The following TBL1X variants were observed in gnomAD, a reference collection of about 807,000 sequenced individuals.
TBL1X encodes the protein transducin beta like 1 X-linked, also known as F-box-like/WD repeat-containing protein TBL1X.
In TBL1X, 10 loss-of-function variants were observed where a neutral mutation model predicts 50.7. That is an observed-to-expected ratio of 0.20 (90% CI 0.12 to 0.33). The LOEUF (loss-of-function observed/expected upper bound fraction) is 0.33. TBL1X is among the 10% of genes least tolerant of loss of function. The pLI is 1.00. For synonymous variants in TBL1X, 190 were observed against 214.7 expected, an observed-to-expected ratio of 0.88 and a Z score of 1.01; for missense variants, 340 against 504.4, an observed-to-expected ratio of 0.67 and a Z score of 3.12.
In TBL1X at chrX:9,576,710, A is replaced by AC. The variant is rs1408633027; in HGVS notation, c.-130-63563_-130-63562insC. Among the ~76,000 whole-genome samples, 137 of 108,023 alleles carry AC rather than the reference A, an allele frequency of 1.3e-3. 1 individual carries two copies. Among genetic ancestry groups the AC allele is most frequent in the Non-Finnish European group, 1.7e-3 (91 of 52,060 alleles). The allele number at this position is 108,023 out of a possible 115,157, so 93.8% of individuals were successfully genotyped here. A position where few individuals can be genotyped will look rare whatever the true frequency, so the allele number is the denominator to read the frequency against. On this transcript the variant is annotated intron_variant, in intron 2 of 17. Coordinates refer to ENST00000645353, the MANE Select transcript of TBL1X (RefSeq NM_005647.4). ...AGCACTACATTAAAAAAAAAAAAAA[A>AC]AAAAAACATCGGACGTGGTGGGTCA... is the stretch of plus-strand genomic sequence containing the variant.
rs142700838 is a variant in TBL1X at position 9,610,562 on chromosome X, C to G, written c.-130-29711C>G. 3.9e-3 allele frequency among the ~76,000 whole-genome samples: 437 copies of G among 112,051 alleles called. 1 individual carries two copies. Among genetic ancestry groups the G allele is most frequent in the African/African-American group, 0.014 (417 of 30,798 alleles). On this transcript the variant is annotated intron_variant, in intron 2 of 17. Coordinates refer to ENST00000645353, the MANE Select transcript of TBL1X (RefSeq NM_005647.4). ...TCTTATGATACACACAGGATGAGGA[C>G]AGGATCATTTTCTATATTTCTGTGA...
intron 2 of TBL1X, among the ~76,000 whole-genome samples, chrX:9,579,377 A>G (rs770041270): frequency 4.5e-5 from 5 of 111,968 alleles, no homozygotes; most frequent in South Asian, 3.7e-4. Flanking sequence ...TATGATTTCA[A>G]TTTTTACCAC....
At chrX:9,469,455 G>A (rs925766527) in intron 1 of TBL1X, among the ~76,000 whole-genome samples, 4 of 112,316 alleles carry the variant, frequency 3.6e-5, no homozygotes, top group Non-Finnish European at 3.8e-5. Flanking sequence ...GAGCCATCGC[G>A]CCCGGCTAGC....
At chrX:9,544,999 A>AT (rs2082234635) in intron 2 of TBL1X, among the ~76,000 whole-genome samples, 5 of 77,201 alleles carry the variant, frequency 6.5e-5, no homozygotes, top group Non-Finnish European at 1.0e-4. Flanking sequence ...TTTTCCCCCC[A>AT]CTTTTTTTTT....
chrX:9,688,454 C>A (rs923100740), intron 7 of TBL1X, among the ~76,000 whole-genome samples, 179 bp downstream of exon 7: 3 of 112,411 alleles, frequency 2.7e-5, no homozygotes, highest in African/African-American at 9.7e-5. Context: ...CATCACAACC[C>A]TTGGACCTGA....
At chrX:9,637,545 G>A (rs1331651698) in intron 2 of TBL1X, 1 of 111,795 alleles carries the variant, frequency 8.9e-6, no homozygotes, top group Non-Finnish European at 1.9e-5. Flanking sequence ...GAAGAAGAAA[G>A]GACTCTTCCT....
intron 12 of TBL1X, among the ~76,000 whole-genome samples, chrX:9,703,961 T>C (rs1438922277): frequency 8.9e-6 from 1 of 112,402 alleles, no homozygotes; most frequent in Non-Finnish European, 1.9e-5. Flanking sequence ...GCCTGGCTTT[T>C]AGCGAGTGCC....
chrX:9,589,455 C>G (rs765303143), intron 2 of TBL1X, among the ~76,000 whole-genome samples: 2 of 109,800 alleles, frequency 1.8e-5, no homozygotes, highest in Non-Finnish European at 3.8e-5. Context: ...TACACAAAAC[C>G]CGGTCTTGAT....
chrX:9,517,741 G>A (rs770069993), intron 2 of TBL1X, among the ~76,000 whole-genome samples: 3 of 112,302 alleles, frequency 2.7e-5, no homozygotes, highest in African/African-American at 9.7e-5. Flanking sequence ...GCAGGACAGT[G>A]CCCTGGGGAG....
chrX:9,618,926 G>A (rs142278343), intron 2 of TBL1X, among the ~76,000 whole-genome samples: 136 of 111,859 alleles, frequency 1.2e-3, no homozygotes, highest in Non-Finnish European at 2.1e-3. Flanking sequence ...AAGGCATGTT[G>A]TAGGTTCAGA....
rs950664805 is a variant in TBL1X, at chrX:9,534,561, C to T, written c.-131+32712C>T. 9.1e-5 allele frequency among the ~76,000 whole-genome samples: 10 copies of T among 110,019 alleles called. 1 individual carries two copies. Among genetic ancestry groups the T allele is most frequent in the Non-Finnish European group, 9.5e-5 (5 of 52,793 alleles). ...GTGCCTAATTCAACAGTTCTTAATACCCTAATTTAAAAAAAAAATACAGTG... is the reference window on the plus strand; with the variant it reads ...GTGCCTAATTCAACAGTTCTTAATATCCTAATTTAAAAAAAAAATACAGTG... On this transcript the variant is annotated intron_variant, in intron 2 of 17. Coordinates refer to ENST00000645353, the MANE Select transcript of TBL1X (RefSeq NM_005647.4).
intron 5 of TBL1X, among the ~76,000 whole-genome samples, chrX:9,667,527 G>A (rs1196454027): frequency 1.8e-5 from 2 of 112,157 alleles, no homozygotes; most frequent in Non-Finnish European, 3.8e-5. Flanking sequence ...TTACCTGATG[G>A]TCAAACGAAT....
intron 2 of TBL1X, among the ~76,000 whole-genome samples, chrX:9,588,899 G>A (rs893256061): frequency 7.2e-5 from 8 of 111,059 alleles, no homozygotes; most frequent in African/African-American, 2.6e-4. Flanking sequence ...CACTGCGCCC[G>A]TCCTCATTTT....
At chrX:9,547,408 C>T (rs1336600738) in intron 2 of TBL1X, among the ~76,000 whole-genome samples, 3 of 111,259 alleles carry the variant, frequency 2.7e-5, no homozygotes, top group Non-Finnish European at 5.7e-5. Context: ...CAACCTCCAC[C>T]TCCTGGGTTC....
At position 9,506,475 on chromosome X, in the gene TBL1X, C is replaced by T. The variant is rs761686706; in HGVS notation, c.-131+4626C>T. Among the ~76,000 whole-genome samples, 210 of 111,130 alleles carry T rather than the reference C, an allele frequency of 1.9e-3. 3 individuals are homozygous for T. The highest frequency in any genetic ancestry group is 5.3e-3 in the South Asian group (14 of 2,645). On this transcript the variant is annotated intron_variant, in intron 2 of 17. Coordinates refer to ENST00000645353, the MANE Select transcript of TBL1X (RefSeq NM_005647.4). ...AGAGAAGAATCGAAGGCGATAGAGACGCAAAAAAGCCCTCCAAAAAATCAT... is the reference window on the plus strand; with the variant it reads ...AGAGAAGAATCGAAGGCGATAGAGATGCAAAAAAGCCCTCCAAAAAATCAT...
rs1446365658 is a variant in TBL1X, at chrX:9,482,423, T to TG, written c.-201+16977dup. Among the ~76,000 whole-genome samples the TG allele has an allele frequency of 4.5e-5, 5 of 112,326 alleles. No individual in the cohort carries two copies. In the East Asian group the frequency reaches 1.4e-3, roughly 31 times the overall value. Reference sequence around the variant, plus strand: ...CTGATATGGGAAACAGCTGTTTAACTGATCTAGTCTTAGGACTTGGACACT... The same window carrying TG: ...CTGATATGGGAAACAGCTGTTTAACTGGATCTAGTCTTAGGACTTGGACACT... On this transcript the variant is annotated intron_variant, in intron 1 of 17. Transcript: ENST00000645353.
rs182396330 is a variant in TBL1X at position 9,507,527 on chromosome X, T to C, written c.-131+5678T>C. On this transcript the variant is annotated intron_variant, in intron 2 of 17. Transcript: ENST00000645353. ...AAGGGCCATATTGCCCAAAGTACTT[T>C]ATACATTCAATGTTGTTCCTGTCAA... Among the ~76,000 whole-genome samples the C allele has an allele frequency of 3.3e-3, 375 of 112,260 alleles. 2 individuals carry two copies. Among genetic ancestry groups the C allele is most frequent in the Admixed American group, 5.9e-3 (63 of 10,616 alleles).
At chrX:9,487,787 C>CTT (rs777502916) in intron 1 of TBL1X, among the ~76,000 whole-genome samples, 15 of 111,136 alleles carry the variant, frequency 1.3e-4, no homozygotes, top group Middle Eastern at 9.3e-3. Flanking sequence ...TGTGTTGCAT[C>CTT]TTTTGGGTGG....
intron 1 of TBL1X, among the ~76,000 whole-genome samples, chrX:9,477,941 G>T (rs977476992): frequency 1.3e-4 from 14 of 111,700 alleles, no homozygotes; most frequent in Non-Finnish European, 1.1e-4. Flanking sequence ...CTCTGTGCTT[G>T]GTCGAACTTC....
Sources: gnomAD v4.1 joint callset for allele counts (sites outside exome capture counted in the v4.1 genomes callset) on GRCh38, gnomAD v4.1.1 for gene constraint, MANE v1.5 for transcripts, NCBI Gene and HGNC (gene_info 2026-07-23, HGNC 2026-07-21) for gene names.